The following LRRC4C variants were observed in gnomAD, a reference collection of about 807,000 sequenced individuals.
LRRC4C encodes the protein leucine-rich repeat-containing protein 4C.
In LRRC4C, 5 loss-of-function variants were observed where a neutral mutation model predicts 33.6. The ratio of observed to expected loss-of-function variants is 0.15; its 90% CI spans 0.08 to 0.31. The LOEUF (loss-of-function observed/expected upper bound fraction) is 0.31. Ranked by LOEUF, LRRC4C falls within the 10% of genes least tolerant of loss-of-function variation. The pLI, the probability that LRRC4C is intolerant of heterozygous loss-of-function variation, is 1.00. For synonymous variants in LRRC4C, 329 were observed against 302.0 expected (o/e 1.09, Z -0.93); for missense variants, 560 against 796.7 (o/e 0.70, Z 3.58).
At chr11:40,684,066 C>T (rs925444857) in intron 2 of LRRC4C, among the ~76,000 whole-genome samples, 7 of 151,916 alleles carry the variant, frequency 4.6e-5, no homozygotes, top group East Asian at 3.8e-4. Context: ...CACTTTACAA[C>T]GTTACAAAAT....
chr11:40,481,663 A>G (rs984860322), intron 3 of LRRC4C, among the ~76,000 whole-genome samples: 1 of 152,098 alleles, frequency 6.6e-6, no homozygotes, highest in Non-Finnish European at 1.5e-5. Flanking sequence ...CAACACTTCC[A>G]TTTTCAGGAG....
chr11:41,274,974 T>A (rs1009171638), intron 1 of LRRC4C, among the ~76,000 whole-genome samples: 4 of 152,040 alleles, frequency 2.6e-5, no homozygotes, highest in African/African-American at 7.2e-5. Context: ...TGGGGGTGGA[T>A]CCCTCATGAA....
chr11:41,198,799 T>C (rs1565472869), intron 1 of LRRC4C, among the ~76,000 whole-genome samples: 1 of 152,022 alleles, frequency 6.6e-6, no homozygotes, highest in Non-Finnish European at 1.5e-5. Context: ...AAGACAAACA[T>C]GTATTTCAAT....
chr11:40,766,342 C>T (rs12362206), intron 2 of LRRC4C, among the ~76,000 whole-genome samples: 1 of 76,832 alleles, frequency 1.3e-5, no homozygotes, highest in East Asian at 4.4e-4. Context: ...AAAGGGAGTT[C>T]TTCAGTCTGT....
At chr11:40,271,238 C>T (rs1453843699) in intron 4 of LRRC4C, among the ~76,000 whole-genome samples, 1 of 152,138 alleles carries the variant, frequency 6.6e-6, no homozygotes, top group Non-Finnish European at 1.5e-5. Context: ...GCCCTCAGCC[C>T]CTCCTAAATG....
chr11:41,234,788 T>C (rs1947946381), intron 1 of LRRC4C, among the ~76,000 whole-genome samples: 1 of 152,026 alleles, frequency 6.6e-6, no homozygotes, highest in Non-Finnish European at 1.5e-5. Context: ...ATTTTCTAAA[T>C]GAGAAAATTG....
chr11:40,114,823 G>A lies in LRRC4C; in HGVS notation c.1470C>T (p.Thr490=), dbSNP rs1855297540. 2 of 1,613,964 alleles carry A rather than the reference G, an allele frequency of 1.2e-6. No individual in the cohort carries two copies. Among genetic ancestry groups the A allele is most frequent in the Non-Finnish European group, 1.7e-6 (2 of 1,180,010 alleles). Residue 490 remains threonine, a synonymous_variant, in exon 7 of 7, where the codon ACC becomes ACT. Coordinates refer to ENST00000528697, the MANE Select transcript of LRRC4C (RefSeq NM_001258419.2). ...PVVDWETTNV[T]TSLTPQSTRS... ...TTGTGCTCTGTGGTGTGAGAGAGGT[G>A]GTCACATTGGTGGTCTCCCAGTCGA...
intron 2 of LRRC4C, among the ~76,000 whole-genome samples, chr11:40,933,297 G>A (rs1957716352): frequency 6.6e-6 from 1 of 152,218 alleles, no homozygotes; most frequent in Non-Finnish European, 1.5e-5. Context: ...GCCTCAAGGA[G>A]AAATGGAGCC....
At chr11:40,213,489 G>A (rs1863757180) in intron 5 of LRRC4C, among the ~76,000 whole-genome samples, 1 of 152,106 alleles carries the variant, frequency 6.6e-6, no homozygotes, top group Admixed American at 6.6e-5. Context: ...CTATTGAGTA[G>A]CTGAATGATC....
At chr11:41,448,692 A>C (rs1955920991) in intron 1 of LRRC4C, among the ~76,000 whole-genome samples, 1 of 152,232 alleles carries the variant, frequency 6.6e-6, no homozygotes, top group Non-Finnish European at 1.5e-5. Context: ...GGTATTATAC[A>C]TATTTTTAAA....
chr11:41,044,976 C>T (rs1857673672), intron 1 of LRRC4C, among the ~76,000 whole-genome samples: 1 of 152,014 alleles, frequency 6.6e-6, no homozygotes, highest in Non-Finnish European at 1.5e-5. Flanking sequence ...ATCCTGAGCC[C>T]TTTTTGTAGT....
intron 3 of LRRC4C, among the ~76,000 whole-genome samples, chr11:40,513,227 C>A (rs1215879963): frequency 7.0e-4 from 86 of 122,464 alleles, no homozygotes; most frequent in African/African-American, 2.7e-3. Flanking sequence ...CCAGCCTGGG[C>A]GACAGAGTGA....
chr11:40,725,764 C>A (rs1326031534), intron 2 of LRRC4C, among the ~76,000 whole-genome samples: 1 of 152,138 alleles, frequency 6.6e-6, no homozygotes, highest in African/African-American at 2.4e-5. Flanking sequence ...CTCATCTCAG[C>A]TTTTTAAAAA....
At chr11:41,300,062 A>T (rs1950244948) in intron 1 of LRRC4C, among the ~76,000 whole-genome samples, 1 of 152,148 alleles carries the variant, frequency 6.6e-6, no homozygotes, top group Non-Finnish European at 1.5e-5. Context: ...ATTTTGCTGA[A>T]ATCATGGGAC....
At chr11:40,942,283 C>A (rs559403145) in intron 1 of LRRC4C, among the ~76,000 whole-genome samples, 2 of 152,286 alleles carry the variant, frequency 1.3e-5, no homozygotes, top group South Asian at 4.1e-4. Context: ...CCCATTGGAT[C>A]TTAAGAGCAG....
chr11:40,457,627 CTTTAATAG>C (rs113680517), intron 3 of LRRC4C, among the ~76,000 whole-genome samples: 6,191 of 152,116 alleles, frequency 0.041, 406 homozygotes, highest in African/African-American at 0.14. Context: ...AAATTCAGTC[CTTTAATAG>C]TTTAATAGCT....
At chr11:41,182,674 T>C (rs1945504479) in intron 1 of LRRC4C, among the ~76,000 whole-genome samples, 1 of 152,156 alleles carries the variant, frequency 6.6e-6, no homozygotes, top group African/African-American at 2.4e-5. Context: ...AGCTGAGTTA[T>C]TTTTAATACC....
intron 2 of LRRC4C, among the ~76,000 whole-genome samples, chr11:40,917,496 C>T (rs1016314035): frequency 4.6e-5 from 7 of 152,042 alleles, no homozygotes; most frequent in Admixed American, 1.3e-4. Context: ...ATAAAAGAAC[C>T]TAGGGGCACT....
intron 1 of LRRC4C, among the ~76,000 whole-genome samples, chr11:40,994,991 G>A (rs903392473): frequency 6.6e-6 from 1 of 152,078 alleles, no homozygotes; most frequent in Admixed American, 6.6e-5. Flanking sequence ...ATGGCCAGAG[G>A]TGAAATTCAG....
Sources: gnomAD v4.1 joint callset for allele counts (sites outside exome capture counted in the v4.1 genomes callset) on GRCh38, gnomAD v4.1.1 for gene constraint, MANE v1.5 for transcripts, NCBI Gene and HGNC (gene_info 2026-07-23, HGNC 2026-07-21) for gene names.